Variants in UGT1A8 observed in about 807,000 individuals in gnomAD.
UGT1A8 encodes the protein UDP glucuronosyltransferase family 1 member A8, also known as UDP-glucuronosyltransferase 1A8.
Under a neutral mutation model 45.3 loss-of-function variants are expected in UGT1A8, and 39 were observed. The ratio of observed to expected loss-of-function variants is 0.86; its 90% confidence interval spans 0.67 to 1.12. UGT1A8 has a LOEUF of 1.12. Ranked by LOEUF, UGT1A8 falls within the 50% of genes most tolerant of loss-of-function variation. The pLI, the probability that UGT1A8 is intolerant of heterozygous loss-of-function variation, is 0.00. For synonymous variants in UGT1A8, 275 were observed against 249.2 expected (o/e 1.10, Z -0.97); for missense variants, 719 against 664.9 (o/e 1.08, Z -0.90).
intron 1 of UGT1A8, chr2:233,721,879 C>T (rs2076978757): frequency 2.0e-6 from 1 of 493,898 alleles, no homozygotes; most frequent in South Asian, 1.5e-5. Flanking sequence ...ACTTGCCAGC[C>T]CCTCCATTGC....
At chr2:233,637,780 C>T (rs1434843502) in intron 1 of UGT1A8, among the ~76,000 whole-genome samples, 2 of 152,078 alleles carry the variant, frequency 1.3e-5, no homozygotes. Flanking sequence ...TGTAAGTTCC[C>T]ATACCTATTT....
intron 1 of UGT1A8, chr2:233,713,987 A>C: frequency 6.3e-7 from 1 of 1,580,416 alleles, no homozygotes; most frequent in Non-Finnish European, 8.6e-7. Flanking sequence ...CATTGTTGTA[A>C]TAGTCTTCAG....
chr2:233,636,968 C>G lies in UGT1A8; in HGVS notation c.855+18406C>G, dbSNP rs370846593. ...TCTTTTGATGCAGTGTTTCTGGATC[C>G]TTTTGATACCTGTGGCTTAATTGTT... is the stretch of plus-strand genomic sequence containing the variant. On this transcript the variant is annotated intron_variant, in intron 1 of 4. Coordinates refer to ENST00000373450, the MANE Select transcript of UGT1A8 (RefSeq NM_019076.5). 1.9e-5 allele frequency: 31 copies of G among 1,614,034 alleles called. 1 individual carries two copies. The South Asian group carries it at 2.0e-4, about 10-fold the overall frequency.
At chr2:233,724,723 C>T (rs1313169772) in intron 1 of UGT1A8, among the ~76,000 whole-genome samples, 1 of 144,588 alleles carries the variant, frequency 6.9e-6, no homozygotes, top group African/African-American at 2.6e-5. Flanking sequence ...GACTGGGCAG[C>T]CAGGCAGAGG....
Position 233,663,931 on chromosome 2 carries a change from C to A in UGT1A8, c.855+45369C>A, listed in dbSNP as rs996154730. Among the ~76,000 whole-genome samples, 4 of 152,276 alleles carry A rather than the reference C, an allele frequency of 2.6e-5. No individual in the cohort carries two copies. In the East Asian group the frequency reaches 7.7e-4, roughly 29 times the overall value. ...ACAAGTAGAATGATATAACTTCCAA[C>A]TTTAAGTCATTTCTTTGTCCTTGCA... is the stretch of plus-strand genomic sequence containing the variant. On this transcript the variant is annotated intron_variant, in intron 1 of 4. Transcript: ENST00000373450.
chr2:233,630,464 C>A (rs1020075933), intron 1 of UGT1A8, among the ~76,000 whole-genome samples: 8 of 152,112 alleles, frequency 5.3e-5, no homozygotes, highest in Non-Finnish European at 2.9e-5. Flanking sequence ...AACAAATATT[C>A]TGGTTGATTT....
At chr2:233,717,835 A>G (rs773677565) in intron 1 of UGT1A8, 3 of 455,164 alleles carry the variant, frequency 6.6e-6, no homozygotes, top group South Asian at 4.7e-5. Flanking sequence ...TTCTGGAGGA[A>G]CCATTCTTAT....
At chr2:233,768,183 A>G (rs753962326) in intron 3 of UGT1A8, 37 bp from the exon 4 acceptor site, 1 of 1,614,004 alleles carries the variant, frequency 6.2e-7, no homozygotes, top group Non-Finnish European at 8.5e-7. Context: ...AAACTCAGAG[A>G]TGTAACTGCT....
In UGT1A8 at chr2:233,723,736, A is replaced by ACGAG. The variant is rs2077123858; in HGVS notation, c.856-43296_856-43293dup. 4.0e-5 allele frequency among the ~76,000 whole-genome samples: 3 copies of ACGAG among 75,838 alleles called. No homozygotes were observed. The South Asian group carries it at 1.9e-3, about 47-fold the overall frequency. 49.8% of individuals were successfully genotyped at this position (75,838 alleles called of 152,430 possible). ...GATTAGGGATTGGTGATGACTCTTA[A>ACGAG]CGAGCATGCTGCCTTCAAGCATCTG... On this transcript the variant is annotated intron_variant, in intron 1 of 4. Transcript: ENST00000373450.
At chr2:233,756,814 A>C (rs985210538) in intron 1 of UGT1A8, among the ~76,000 whole-genome samples, 2 of 152,110 alleles carry the variant, frequency 1.3e-5, no homozygotes, top group Admixed American at 6.5e-5. Flanking sequence ...AGGTCACTCA[A>C]TTCCAAGGGG....
chr2:233,630,103 C>A (rs908480490), intron 1 of UGT1A8, among the ~76,000 whole-genome samples: 1 of 151,860 alleles, frequency 6.6e-6, no homozygotes, highest in Non-Finnish European at 1.5e-5. Context: ...CTCAACAAAC[C>A]AGCTTTGGTT....
Position 233,760,582 on chromosome 2 carries a change from GT to G in UGT1A8, c.856-6447del. ...GTCTTTTGTTAGTCTCGGGCATAATGTTTTTGAGAATGATTCTTTCCTGCAG... is the reference window on the plus strand; with the variant it reads ...GTCTTTTGTTAGTCTCGGGCATAATGTTTTGAGAATGATTCTTTCCTGCAG... On this transcript the variant is annotated intron_variant, in intron 1 of 4. Coordinates refer to ENST00000373450, the MANE Select transcript of UGT1A8 (RefSeq NM_019076.5). 3 of 1,614,178 alleles carry G rather than the reference GT, an allele frequency of 1.9e-6. No homozygotes were observed. The highest frequency in any genetic ancestry group is 3.3e-4 in the Middle Eastern group (2 of 6,062).
intron 1 of UGT1A8, among the ~76,000 whole-genome samples, chr2:233,677,241 C>A (rs904889604): frequency 6.6e-6 from 1 of 152,106 alleles, no homozygotes; most frequent in Admixed American, 6.5e-5. Context: ...CTTTCACATC[C>A]TTTGTCAGAT....
intron 1 of UGT1A8, among the ~76,000 whole-genome samples, chr2:233,639,368 T>A (rs1341591831): frequency 6.6e-6 from 1 of 152,212 alleles, no homozygotes; most frequent in Non-Finnish European, 1.5e-5. Context: ...CAAAGAGGGC[T>A]TTCTGTCAAA....
chr2:233,693,772 A>G (rs2075180010), intron 1 of UGT1A8: 1 of 1,614,048 alleles, frequency 6.2e-7, no homozygotes, highest in African/African-American at 1.3e-5. Flanking sequence ...GGCTGTTAAG[A>G]TATGACTTTG....
intron 1 of UGT1A8, chr2:233,693,021 G>C: frequency 6.2e-7 from 1 of 1,614,090 alleles, no homozygotes; most frequent in South Asian, 1.1e-5. Flanking sequence ...TGCCTCCTTC[G>C]CTCATTTCAG....
chr2:233,619,758 T>G (rs961977246), intron 1 of UGT1A8, among the ~76,000 whole-genome samples: 1 of 152,188 alleles, frequency 6.6e-6, no homozygotes, highest in African/African-American at 2.4e-5. Flanking sequence ...CCAGCCACAT[T>G]ACTAACTTTT....
At chr2:233,641,926 A>G (rs1303704869) in intron 1 of UGT1A8, among the ~76,000 whole-genome samples, 1 of 152,118 alleles carries the variant, frequency 6.6e-6, no homozygotes, top group Non-Finnish European at 1.5e-5. Context: ...TGCTGCTTTT[A>G]GAATCTTTTC....
chr2:233,643,162 G>T (rs539427142), intron 1 of UGT1A8, among the ~76,000 whole-genome samples: 6 of 152,238 alleles, frequency 3.9e-5, no homozygotes, highest in Admixed American at 3.9e-4. Context: ...CAGGCCCTGG[G>T]TGGGTCCAGA....
Sources: gnomAD v4.1 joint callset for allele counts (sites outside exome capture counted in the v4.1 genomes callset) on GRCh38, gnomAD v4.1.1 for gene constraint, MANE v1.5 for transcripts, NCBI Gene and HGNC (gene_info 2026-07-23, HGNC 2026-07-21) for gene names.